The following PGAP4 variants were observed in gnomAD, a reference collection of about 807,000 sequenced individuals.
PGAP4 encodes the protein post-GPI attachment to proteins GalNAc transferase 4.
In PGAP4, 12 loss-of-function variants were observed where a neutral mutation model predicts 28.2. The observed-to-expected ratio is 0.42, with a 90% CI of 0.27 to 0.69. PGAP4 has a LOEUF of 0.69. Among genes scored for constraint, PGAP4 ranks in the 30% least tolerant of loss-of-function variants. The pLI is 0.22. For missense variants in PGAP4, 425 were observed against 513.5 expected (o/e 0.83, Z 1.67); for synonymous variants, 205 against 211.8 (o/e 0.97, Z 0.28).
chr9:101,512,274 G>A (rs879519247), intron 2 of PGAP4, among the ~76,000 whole-genome samples: 4 of 151,872 alleles, frequency 2.6e-5, no homozygotes, highest in Admixed American at 1.3e-4. Flanking sequence ...CGCCCTGCCC[G>A]TCCCAAAGGC....
At chr9:101,488,496 C>T (rs781701268), upstream of PGAP4, among the ~76,000 whole-genome samples, 4 of 152,108 alleles carry the variant, frequency 2.6e-5, no homozygotes, top group Admixed American at 1.3e-4. Flanking sequence ...ATATTGGGGA[C>T]AGTGATATTT....
chr9:101,475,795 A>C lies in PGAP4; in HGVS notation c.*86T>G. 1.5e-6 allele frequency: 2 copies of C among 1,370,642 alleles called. No homozygotes were observed. The highest frequency in any genetic ancestry group is 2.0e-6 in the Non-Finnish European group (2 of 990,206). The allele number at this position is 1,370,642 out of a possible 1,614,324, so 84.9% of individuals were successfully genotyped here. The stretch of plus-strand genomic sequence containing the variant: ...CTCTAACAACAGTAAACAGTGAAAT[A>C]CCTGCAGGCAACCATGTCTAAATAA... On this transcript the variant is annotated 3_prime_UTR_variant, in exon 2 of 2. Transcript: ENST00000374848.
chr9:101,482,186 A>G (rs10989527), intron 1 of PGAP4, among the ~76,000 whole-genome samples: 65,326 of 152,192 alleles, frequency 0.43, 14,518 homozygotes, highest in East Asian at 0.63. Flanking sequence ...GGTGGCTCAC[A>G]CCGGTAATCC....
Position 101,486,485 on chromosome 9 carries a change from G to A in PGAP4, c.-78+464C>T, listed in dbSNP as rs1440479860. On this transcript the variant is annotated intron_variant, in intron 1 of 1. Transcript: ENST00000374848. The surrounding 1 kb of genome is among the most constrained non-coding windows in gnomAD (Gnocchi z 4.7). ...GGCGAACCTAAGGTGTGGACGCGCC[G>A]CGAGGGTCCCCTGCTTGCGGGCGGC... Among the ~76,000 whole-genome samples the A allele has an allele frequency of 6.6e-6, 1 of 152,180 alleles. No homozygotes were observed.
At chr9:101,526,731 G>T (rs992681344) in intron 2 of PGAP4, among the ~76,000 whole-genome samples, 2 of 152,204 alleles carry the variant, frequency 1.3e-5, no homozygotes, top group African/African-American at 2.4e-5. Context: ...TTACAGGCAT[G>T]AGCCACTGCG....
chr9:101,518,781 G>A (rs769589175), intron 2 of PGAP4, among the ~76,000 whole-genome samples: 2 of 152,190 alleles, frequency 1.3e-5, no homozygotes, highest in Non-Finnish European at 2.9e-5. Flanking sequence ...AAACATGCGT[G>A]TGCAAGTATC....
intron 2 of PGAP4, among the ~76,000 whole-genome samples, chr9:101,527,310 G>A (rs1379053992): frequency 6.6e-6 from 1 of 152,110 alleles, no homozygotes; most frequent in South Asian, 2.1e-4. Flanking sequence ...GCAAGATTCC[G>A]AACATTTGTG....
intron 2 of PGAP4, among the ~76,000 whole-genome samples, chr9:101,507,960 T>C (rs1826861653): frequency 6.6e-6 from 1 of 152,118 alleles, no homozygotes; most frequent in Admixed American, 6.6e-5. Context: ...ATCCTTTTAA[T>C]CTCACTGTTT....
chr9:101,531,195 TACACACACACACACACACACACACAC>T (rs367760603), intron 2 of PGAP4: 1 of 137,424 alleles, frequency 7.3e-6, no homozygotes, highest in South Asian at 2.5e-4. Flanking sequence ...AATCTCTTTC[TACACACACACACACACACACACACAC>T]ACACACACAC....
chr9:101,484,137 C>T (rs1826555553), intron 1 of PGAP4, among the ~76,000 whole-genome samples: 1 of 151,666 alleles, frequency 6.6e-6, no homozygotes, highest in Non-Finnish European at 1.5e-5. Context: ...CACATGCTAC[C>T]AAAGATGGAT....
chr9:101,490,918 C>T (rs761286262), upstream of PGAP4, among the ~76,000 whole-genome samples: 30 of 152,152 alleles, frequency 2.0e-4, no homozygotes, highest in Non-Finnish European at 4.1e-4. Flanking sequence ...GCAAATTATG[C>T]CACACGTTGG....
chr9:101,476,684 C>T lies in PGAP4; in HGVS notation c.409G>A (p.Glu137Lys), dbSNP rs145638335. The T allele has an allele frequency of 2.6e-4, 416 of 1,614,140 alleles. 3 individuals carry two copies. The East Asian group carries it at 8.3e-3, about 32-fold the overall frequency. Reference sequence around the variant, plus strand: ...TTGCACAGGAAGAGTTGGTGCCCCTCGCACTGGGGGCCACATTGCTGAAGA... The same window carrying T: ...TTGCACAGGAAGAGTTGGTGCCCCTTGCACTGGGGGCCACATTGCTGAAGA... ...RLLQQCGPQCEGHQLFLCNVE... is the reference protein window; with the variant it reads ...RLLQQCGPQCKGHQLFLCNVE... The change falls in exon 2 of 2, where the codon GAG becomes AAG. Residue 137 changes from glutamate (E) to lysine (K), a missense_variant. Coordinates refer to ENST00000374848, the MANE Select transcript of PGAP4 (RefSeq NM_032342.3). This position sits in a 1 kb window ranked among gnomAD's most constrained non-coding sequence, Gnocchi z 7.0.
intron 2 of PGAP4, among the ~76,000 whole-genome samples, chr9:101,528,085 A>G (rs1430024700): frequency 6.6e-6 from 1 of 152,192 alleles, no homozygotes; most frequent in Non-Finnish European, 1.5e-5. Context: ...GAAAAGATTT[A>G]TTGCATTTTT....
At chr9:101,513,056 T>C (rs1826910455) in intron 2 of PGAP4, among the ~76,000 whole-genome samples, 1 of 152,328 alleles carries the variant, frequency 6.6e-6, no homozygotes, top group South Asian at 2.1e-4. Flanking sequence ...TCACTAGTCA[T>C]AGGCAGAAAC....
rs538996656 is a variant in PGAP4 at position 101,494,793 on chromosome 9, AG to A, written c.-164-5594del. 4.3e-3 allele frequency among the ~76,000 whole-genome samples: 654 copies of A among 151,836 alleles called. 7 individuals carry two copies. Among genetic ancestry groups the A allele is most frequent in the African/African-American group, 0.014 (592 of 41,518 alleles). On this transcript the variant is annotated intron_variant, in intron 2 of 3. Transcript: ENST00000374851. ...TGGTCAAAATCTGATGAAAGTTTTCAGTTGACAAGGAAACTAGTTATTTTTA... is the reference window on the plus strand; with the variant it reads ...TGGTCAAAATCTGATGAAAGTTTTCATTGACAAGGAAACTAGTTATTTTTA...
At chr9:101,523,411 TTCTTTG>T (rs1482075573) in intron 2 of PGAP4, among the ~76,000 whole-genome samples, 4 of 151,882 alleles carry the variant, frequency 2.6e-5, no homozygotes, top group African/African-American at 9.7e-5. Context: ...TTTTTCTTTT[TTCTTTG>T]TCTTTGTTGG....
chr9:101,494,998 T>C (rs1251863447), intron 2 of PGAP4, among the ~76,000 whole-genome samples: 3 of 148,708 alleles, frequency 2.0e-5, no homozygotes, highest in Admixed American at 6.9e-5. Context: ...CATTAGATTT[T>C]TATGAATTTA....
rs1355920866 is a variant in PGAP4, at chr9:101,473,445, C to T, written c.*2436G>A. ...AGGACAATACACAAAAATTAGACTC[C>T]TTATAAGAATAAGGGATTAAATGGA... On this transcript the variant is annotated 3_prime_UTR_variant, in exon 2 of 2. Transcript: ENST00000374848. 1 of 152,198 alleles carries T rather than the reference C, an allele frequency of 6.6e-6. No homozygotes were observed. Among genetic ancestry groups the T allele is most frequent in the Admixed American group, 6.5e-5 (1 of 15,278 alleles). The allele number at this position is 152,198 out of a possible 1,614,324, so 9.4% of individuals were successfully genotyped here.
At chr9:101,509,845 C>T (rs994156559) in intron 2 of PGAP4, among the ~76,000 whole-genome samples, 1 of 150,146 alleles carries the variant, frequency 6.7e-6, no homozygotes, top group Non-Finnish European at 1.5e-5. Flanking sequence ...AGTAGTGAAA[C>T]CAGAAAGCCG....
Sources: allele counts gnomAD v4.1 joint callset (sites outside exome capture counted in the v4.1 genomes callset), GRCh38; gene constraint gnomAD v4.1.1; non-coding constraint Gnocchi (gnomAD v3.1); transcripts MANE v1.5; gene names NCBI Gene and HGNC (gene_info 2026-07-23, HGNC 2026-07-21).